CPSF6: variants seen among roughly 807,000 people sequenced by gnomAD.
CPSF6 encodes the protein cleavage and polyadenylation specific factor 6.
A neutral mutation model predicts 56.7 loss-of-function variants in CPSF6; 10 were observed. The observed-to-expected ratio is 0.18, with a 90% confidence interval of 0.11 to 0.30. The LOEUF (loss-of-function observed/expected upper bound fraction) is 0.30, where lower values mean the gene tolerates loss of function less well. Among genes scored for constraint, CPSF6 ranks in the 10% least tolerant of loss-of-function variants. CPSF6 has a pLI of 1.00. For missense variants in CPSF6, 419 were observed against 722.9 expected, an observed-to-expected ratio of 0.58 and a Z score of 4.82; for synonymous variants, 248 against 244.8, an observed-to-expected ratio of 1.01 and a Z score of -0.12.
chr12:69,259,314 C>A, intron 6 of CPSF6, 114 bp from the exon 7 acceptor site: 2 of 1,360,814 alleles, frequency 1.5e-6, no homozygotes, highest in Non-Finnish European at 2.0e-6. Flanking sequence ...GGAAAAGTAA[C>A]TACTATCTCT....
At chr12:69,252,643 T>G (rs1872307971) in intron 2 of CPSF6, among the ~76,000 whole-genome samples, 1 of 152,210 alleles carries the variant, frequency 6.6e-6, no homozygotes, top group South Asian at 2.1e-4. Flanking sequence ...ATGGTAGATA[T>G]TAAATACATG....
intron 1 of CPSF6, among the ~76,000 whole-genome samples, chr12:69,243,999 A>G (rs1871758558): frequency 1.3e-5 from 2 of 151,988 alleles, no homozygotes; most frequent in Non-Finnish European, 2.9e-5. Context: ...ATGCCTGGCT[A>G]ATTTCAAATT....
intron 9 of CPSF6, among the ~76,000 whole-genome samples, chr12:69,265,371 C>T (rs1166352987): frequency 1.3e-5 from 2 of 152,080 alleles, no homozygotes; most frequent in African/African-American, 4.8e-5. Flanking sequence ...TAAAAGGTTA[C>T]GTTCCTCTTG....
Position 69,253,575 on chromosome 12 carries a change from A to G in CPSF6, c.374+421A>G, listed in dbSNP as rs147864963. On this transcript the variant is annotated intron_variant, in intron 3 of 9. Transcript: ENST00000435070. ...GATAGCCTCAGCATGAGAACATTAT[A>G]AATACAGATATCTAAAAGTAAGAAA... Among the ~76,000 whole-genome samples, 492 of 152,298 alleles carry G rather than the reference A, an allele frequency of 3.2e-3. 2 individuals are homozygous for G. Among genetic ancestry groups the G allele is most frequent in the African/African-American group, 0.011 (464 of 41,582 alleles).
chr12:69,267,508 G>A (rs1159189491), intron 9 of CPSF6, among the ~76,000 whole-genome samples: 1 of 151,868 alleles, frequency 6.6e-6, no homozygotes, highest in East Asian at 1.9e-4. Context: ...TTTACCAAAT[G>A]ATACATTGAA....
intron 1 of CPSF6, among the ~76,000 whole-genome samples, chr12:69,250,764 A>G (rs1303636183): frequency 2.0e-5 from 3 of 151,912 alleles, no homozygotes; most frequent in Non-Finnish European, 4.4e-5. Flanking sequence ...CTCCTGCCTC[A>G]GCCTCCTGAG....
At chr12:69,260,319 G>GT (rs10700569) in intron 8 of CPSF6, 122 bp downstream of exon 8, 110,028 of 558,664 alleles carry the variant, frequency 0.2, 3,670 homozygotes, top group East Asian at 0.31. Flanking sequence ...AGCTGGAGTG[G>GT]TTTTTTTTTT....
At chr12:69,265,230 A>C (rs1157965949) in intron 9 of CPSF6, among the ~76,000 whole-genome samples, 1 of 152,208 alleles carries the variant, frequency 6.6e-6, no homozygotes, top group Non-Finnish European at 1.5e-5. Context: ...CAGTATGTAA[A>C]TACGTTGTGC....
In CPSF6 at chr12:69,250,898, C is replaced by T. The variant is rs543104695; in HGVS notation, c.61-231C>T. 4.1e-4 allele frequency among the ~76,000 whole-genome samples: 62 copies of T among 152,182 alleles called. 1 individual carries two copies. The Middle Eastern group carries it at 0.014, about 34-fold the overall frequency. On this transcript the variant is annotated intron_variant, in intron 1 of 9. Transcript: ENST00000435070. ...CTGACCTCAAGTGATCCACCTGCCT[C>T]GGCCTCCCAAGTGCTGGGATTACAG...
Position 69,258,228 on chromosome 12 carries a change from T to C in CPSF6, c.694+323T>C. On this transcript the variant is annotated intron_variant, in intron 5 of 9. Coordinates refer to ENST00000435070, the MANE Select transcript of CPSF6 (RefSeq NM_007007.3). This position sits in a 1 kb window ranked among gnomAD's most constrained non-coding sequence, Gnocchi z 4.2. ...ACTTTCTTACCTCTTAAAAAAATCCTTTCAAGATCATTTTTCCTTGTTTCA... is the reference window on the plus strand; with the variant it reads ...ACTTTCTTACCTCTTAAAAAAATCCCTTCAAGATCATTTTTCCTTGTTTCA... The C allele has an allele frequency of 1.2e-6, 1 of 822,870 alleles. No individual in the cohort carries two copies. The highest frequency in any genetic ancestry group is 1.9e-6 in the Non-Finnish European group (1 of 528,098). The allele number at this position is 822,870 out of a possible 1,614,324, so 51.0% of individuals were successfully genotyped here.
intron 1 of CPSF6, among the ~76,000 whole-genome samples, chr12:69,241,328 T>C (rs1565640769): frequency 6.6e-6 from 1 of 152,252 alleles, no homozygotes; most frequent in Non-Finnish European, 1.5e-5. Flanking sequence ...ACACAGGTTC[T>C]AACGCTTATA....
chr12:69,258,855 A>C lies in CPSF6; in HGVS notation c.960A>C (p.Pro320=). Residue 320 remains proline, a synonymous_variant, in exon 6 of 10, where the codon CCA becomes CCC. Transcript: ENST00000435070. The surrounding 1 kb of genome is among the most constrained non-coding windows in gnomAD (Gnocchi z 4.2). The part of the protein sequence containing the change: ...PPPQQGPPPP[P]GPFPPRPPGP... ...CACAACAGGGACCACCTCCACCTCC[A>C]GGCCCCTTTCCACCTCGTCCACCCG... is the stretch of plus-strand genomic sequence containing the variant. 1.2e-6 allele frequency: 2 copies of C among 1,613,838 alleles called. No individual in the cohort carries two copies. The highest frequency in any genetic ancestry group is 1.7e-6 in the Non-Finnish European group (2 of 1,179,932).
chr12:69,273,100 TAAA>T lies in CPSF6; in HGVS notation c.*3593_*3595del, dbSNP rs760643004. ...ATTTAGATAAATCAAGATTCAGGATTAAAGTTTCATTGTAAGTTGAAATAGAAA... is the reference window on the plus strand; with the variant it reads ...ATTTAGATAAATCAAGATTCAGGATTGTTTCATTGTAAGTTGAAATAGAAA... On this transcript the variant is annotated 3_prime_UTR_variant, in exon 10 of 10. Coordinates refer to ENST00000435070, the MANE Select transcript of CPSF6 (RefSeq NM_007007.3). 13 of 436,498 alleles carry T rather than the reference TAAA, an allele frequency of 3.0e-5. No homozygotes were observed. The East Asian group carries it at 5.4e-4, about 18-fold the overall frequency. The allele number at this position is 436,498 out of a possible 1,614,324, so 27.0% of individuals were successfully genotyped here.
intron 9 of CPSF6, among the ~76,000 whole-genome samples, chr12:69,267,549 T>G (rs1464961025): frequency 6.6e-6 from 1 of 151,984 alleles, no homozygotes; most frequent in Non-Finnish European, 1.5e-5. Context: ...TTGTCACTTT[T>G]AAGCTTCTTT....
chr12:69,255,710 TG>T (rs1368413097), intron 3 of CPSF6, among the ~76,000 whole-genome samples: 4 of 152,190 alleles, frequency 2.6e-5, no homozygotes, highest in Non-Finnish European at 5.9e-5. Context: ...GGCTAATTTT[TG>T]AATTTTTAGT....
At position 69,270,648 on chromosome 12, in the gene CPSF6, C is replaced by T. The variant is rs1022853341; in HGVS notation, c.*1140C>T. On this transcript the variant is annotated 3_prime_UTR_variant, in exon 10 of 10. Transcript: ENST00000435070. ...GGAAATTACAGATAAACCGTGTCTG[C>T]ACAGTTTAAGGAATACTATGTATAT... 4.6e-5 allele frequency: 7 copies of T among 151,698 alleles called. No homozygotes were observed. Among genetic ancestry groups the T allele is most frequent in the African/African-American group, 1.7e-4 (7 of 41,394 alleles). The allele number at this position is 151,698 out of a possible 1,614,324, so 9.4% of individuals were successfully genotyped here. A position where few individuals can be genotyped will look rare whatever the true frequency, so the allele number is the denominator to read the frequency against.
chr12:69,273,377 T>C lies in CPSF6; in HGVS notation c.*3869T>C. 1 of 201,848 alleles carries C rather than the reference T, an allele frequency of 5.0e-6. No homozygotes were observed. The highest frequency in any genetic ancestry group is 7.0e-5 in the South Asian group (1 of 14,190). 12.5% of individuals were successfully genotyped at this position (201,848 alleles called of 1,614,324 possible). On this transcript the variant is annotated 3_prime_UTR_variant, in exon 10 of 10. Transcript: ENST00000435070. Reference sequence around the variant, plus strand: ...TGATTATATACGACAGATTTTAATGTCTTTAAAGACTTCCTGCTGTATTAA... The same window carrying C: ...TGATTATATACGACAGATTTTAATGCCTTTAAAGACTTCCTGCTGTATTAA...
chr12:69,250,609 A>G (rs902632339), intron 1 of CPSF6, among the ~76,000 whole-genome samples: 5 of 46,212 alleles, frequency 1.1e-4, no homozygotes. Context: ...AAAAAAAAAG[A>G]AAAAAAAGAA....
At chr12:69,251,437 CTG>C in intron 2 of CPSF6, 99 bp downstream of exon 2, 2 of 793,034 alleles carry the variant, frequency 2.5e-6, no homozygotes, top group Non-Finnish European at 3.9e-6. Flanking sequence ...TTTGAAGTTA[CTG>C]TGTTTTTCTA....
Sources: gnomAD v4.1 joint callset for allele counts (sites outside exome capture counted in the v4.1 genomes callset) on GRCh38, gnomAD v4.1.1 for gene constraint, Gnocchi (gnomAD v3.1) non-coding constraint, MANE v1.5 for transcripts, NCBI Gene and HGNC (gene_info 2026-07-23, HGNC 2026-07-21) for gene names.